The following PDE11A variants were observed in gnomAD, a reference collection of about 807,000 sequenced individuals.
The protein encoded by PDE11A is phosphodiesterase 11A.
In PDE11A, 100 loss-of-function variants were observed where a neutral mutation model predicts 100.5. The observed-to-expected ratio is 1.00, with a 90% CI of 0.85 to 1.18. PDE11A has a LOEUF of 1.18. Ranked by LOEUF, PDE11A falls within the 50% of genes most tolerant of loss-of-function variation. The pLI, the probability that PDE11A is intolerant of heterozygous loss-of-function variation, is 0.00. For synonymous variants in PDE11A, 381 were observed against 420.8 expected, an observed-to-expected ratio of 0.91 and a Z score of 1.16; for missense variants, 1,141 against 1,152.6, an observed-to-expected ratio of 0.99 and a Z score of 0.15.
At chr2:178,023,514 C>T (rs2086439860) in intron 1 of PDE11A, among the ~76,000 whole-genome samples, 1 of 152,084 alleles carries the variant, frequency 6.6e-6, no homozygotes. Context: ...GGACTCTATC[C>T]CCAATACTTT....
At chr2:178,070,702 C>T (rs967795896) in intron 1 of PDE11A, among the ~76,000 whole-genome samples, 1 of 152,158 alleles carries the variant, frequency 6.6e-6, no homozygotes, top group Admixed American at 6.5e-5. Flanking sequence ...CAGATGAGAG[C>T]ATGTTGGGTT....
chr2:177,792,216 C>T (rs1297286277), intron 9 of PDE11A, among the ~76,000 whole-genome samples: 2 of 152,132 alleles, frequency 1.3e-5, no homozygotes, highest in Non-Finnish European at 2.9e-5. Flanking sequence ...TTCTAATGAA[C>T]TACTTGCTTA....
chr2:177,935,989 A>G (rs555576191), intron 2 of PDE11A, among the ~76,000 whole-genome samples: 39 of 152,226 alleles, frequency 2.6e-4, no homozygotes, highest in Non-Finnish European at 5.1e-4. Context: ...TCTCTTCTTT[A>G]TATAATTTTG....
At chr2:178,034,235 G>A (rs2086582618) in intron 1 of PDE11A, among the ~76,000 whole-genome samples, 2 of 152,082 alleles carry the variant, frequency 1.3e-5, no homozygotes, top group Admixed American at 6.6e-5. Context: ...AAAGAAAGCA[G>A]GGGTTGCAAT....
chr2:177,850,810 G>A (rs1432052405), intron 5 of PDE11A, among the ~76,000 whole-genome samples: 1 of 152,150 alleles, frequency 6.6e-6, no homozygotes, highest in Non-Finnish European at 1.5e-5. Context: ...GGCCATCAGA[G>A]AAATGCAAAT....
intron 19 of PDE11A, among the ~76,000 whole-genome samples, chr2:177,633,702 A>G (rs2079991060): frequency 6.6e-6 from 1 of 152,232 alleles, no homozygotes; most frequent in Admixed American, 6.5e-5. Context: ...GTTTTTATTT[A>G]GACAATAGTG....
At chr2:177,671,401 A>G (rs1271667781) in intron 17 of PDE11A, among the ~76,000 whole-genome samples, 1 of 152,112 alleles carries the variant, frequency 6.6e-6, no homozygotes, top group African/African-American at 2.4e-5. Flanking sequence ...TGGGGGAATC[A>G]CTGGGGAAAC....
intron 2 of PDE11A, among the ~76,000 whole-genome samples, chr2:177,911,939 T>C (rs912778711): frequency 6.6e-5 from 10 of 151,912 alleles, no homozygotes; most frequent in South Asian, 2.1e-4. Context: ...TCTTTTGAAA[T>C]TGTCCACTAT....
chr2:177,763,757 G>T, intron 10 of PDE11A, among the ~76,000 whole-genome samples: 1 of 152,242 alleles, frequency 6.6e-6, no homozygotes, highest in Non-Finnish European at 1.5e-5. Context: ...TCTGCAAGGG[G>T]CTGCTGCAAG....
chr2:178,056,929 C>G (rs764533912), intron 1 of PDE11A, among the ~76,000 whole-genome samples: 1 of 151,740 alleles, frequency 6.6e-6, no homozygotes, highest in Admixed American at 6.6e-5. Context: ...AAAAATGGGG[C>G]GCACCAGGGG....
Position 177,955,434 on chromosome 2 carries a change from G to T in PDE11A, c.1072-50247C>A, listed in dbSNP as rs555637552. On this transcript the variant is annotated intron_variant, in intron 2 of 19. Transcript: ENST00000286063. ...TTACTGGTCATGAGTGATAAAAGATGAAAAGGAGAAAGGGCAATAAATGAA... is the reference window on the plus strand; with the variant it reads ...TTACTGGTCATGAGTGATAAAAGATTAAAAGGAGAAAGGGCAATAAATGAA... 1.7e-4 allele frequency among the ~76,000 whole-genome samples: 26 copies of T among 152,344 alleles called. 1 individual carries two copies. In the South Asian group the frequency reaches 5.2e-3, roughly 30 times the overall value.
chr2:177,817,659 T>C (rs1335787578), intron 8 of PDE11A, among the ~76,000 whole-genome samples, 199 bp downstream of exon 8: 1 of 152,146 alleles, frequency 6.6e-6, no homozygotes, highest in Non-Finnish European at 1.5e-5. Flanking sequence ...AATGGATGGT[T>C]ACAAAATAAT....
chr2:177,820,814 GAT>G (rs1447342325), intron 6 of PDE11A, among the ~76,000 whole-genome samples: 1 of 150,878 alleles, frequency 6.6e-6, no homozygotes, highest in Non-Finnish European at 1.5e-5. Flanking sequence ...AAAAAGGTAA[GAT>G]AGAGGTAGAG....
At chr2:177,848,321 A>C (rs1270444543) in intron 5 of PDE11A, among the ~76,000 whole-genome samples, 1 of 152,206 alleles carries the variant, frequency 6.6e-6, no homozygotes, top group African/African-American at 2.4e-5. Context: ...AAGTAAAAGA[A>C]ACATAGTTGA....
chr2:177,656,895 G>A (rs1261383932), intron 19 of PDE11A, among the ~76,000 whole-genome samples: 3 of 152,160 alleles, frequency 2.0e-5, no homozygotes, highest in Admixed American at 6.5e-5. Flanking sequence ...AAGGGTGTCT[G>A]GTAAGGAAGT....
At chr2:178,066,299 A>G (rs1317004670) in intron 1 of PDE11A, among the ~76,000 whole-genome samples, 2 of 152,202 alleles carry the variant, frequency 1.3e-5, no homozygotes, top group East Asian at 3.8e-4. Context: ...TATGACTCAG[A>G]TTCAGGGCCC....
At chr2:177,959,086 C>A (rs2085599944) in intron 2 of PDE11A, among the ~76,000 whole-genome samples, 1 of 151,998 alleles carries the variant, frequency 6.6e-6, no homozygotes, top group African/African-American at 2.4e-5. Flanking sequence ...GGTCAACGGA[C>A]TAATTTGGAA....
intron 2 of PDE11A, among the ~76,000 whole-genome samples, chr2:177,947,294 G>T (rs1377698895): frequency 6.9e-6 from 1 of 145,486 alleles, no homozygotes; most frequent in East Asian, 2.1e-4. Context: ...GAACGGGCCA[G>T]GATGACAATG....
chr2:178,031,629 A>G (rs2086548507), intron 1 of PDE11A, among the ~76,000 whole-genome samples: 2 of 152,178 alleles, frequency 1.3e-5, no homozygotes, highest in African/African-American at 4.8e-5. Context: ...TATAGTGAAA[A>G]CTAAAAAAAA....
Sources: gnomAD v4.1 joint callset for allele counts (sites outside exome capture counted in the v4.1 genomes callset) on GRCh38, gnomAD v4.1.1 for gene constraint, MANE v1.5 for transcripts, NCBI Gene and HGNC (gene_info 2026-07-23, HGNC 2026-07-21) for gene names.